The following CAST variants were observed in gnomAD, a reference collection of about 807,000 sequenced individuals.
CAST encodes MIR583 host.
Under a neutral mutation model 119.6 loss-of-function variants are expected in CAST, and 76 were observed. The ratio of observed to expected loss-of-function variants is 0.64; its 90% CI spans 0.53 to 0.77. The LOEUF is 0.77. Among genes scored for constraint, CAST ranks in the 30% least tolerant of loss-of-function variants. CAST has a pLI of 0.00. For missense variants in CAST, 953 were observed against 946.5 expected (o/e 1.01, Z -0.09); for synonymous variants, 319 against 331.6 (o/e 0.96, Z 0.41).
At chr5:96,183,436 A>G in the CAST span, among the ~76,000 whole-genome samples, 1 of 152,062 alleles carries the variant, frequency 6.6e-6, no homozygotes, top group African/African-American at 2.4e-5. Flanking sequence ...GGGAGCCAAT[A>G]TATTTTGTCC....
At position 96,601,427 on chromosome 5, in the gene CAST, C is replaced by T. The variant is rs79675661; in HGVS notation, c.60+71547C>T. On this transcript the variant is annotated intron_variant, in intron 1 of 11. Coordinates refer to the CAST transcript ENST00000505143. ...AAATAAAGTCTCACCCAGGACTCTG[C>T]ATAGAAGGTTACTACGGAAACAATG... Among the ~76,000 whole-genome samples the T allele has an allele frequency of 7.9e-3, 1,198 of 152,308 alleles. 20 individuals are homozygous for T. The highest frequency in any genetic ancestry group is 0.028 in the African/African-American group (1,146 of 41,564).
At chr5:96,400,323 A>G in the CAST span, 6 of 693,478 alleles carry the variant, frequency 8.7e-6, no homozygotes, top group Non-Finnish European at 1.6e-5. Context: ...TCTAGTGTCT[A>G]TTACTGTTCA....
the CAST span, among the ~76,000 whole-genome samples, chr5:96,038,965 T>G: frequency 6.6e-6 from 1 of 152,194 alleles, no homozygotes; most frequent in African/African-American, 2.4e-5. Context: ...CCACAATGGT[T>G]GAACTAATTT....
At position 96,600,704 on chromosome 5, in the gene CAST, G is replaced by A. The variant is rs113782779; in HGVS notation, c.60+70824G>A. On this transcript the variant is annotated intron_variant, in intron 1 of 11. Transcript: ENST00000505143. ...CTTTCTGCATATCCTAATCCTCTGC[G>A]CAAAACTGAGCCTCTCTGTATTTCT... 4.1e-3 allele frequency among the ~76,000 whole-genome samples: 618 copies of A among 151,928 alleles called. 4 individuals are homozygous for A. The highest frequency in any genetic ancestry group is 0.014 in the African/African-American group (560 of 41,410).
intron 1 of CAST, among the ~76,000 whole-genome samples, chr5:96,622,647 A>G (rs542067640): frequency 4.6e-5 from 7 of 152,166 alleles, no homozygotes; most frequent in Non-Finnish European, 1.0e-4. Flanking sequence ...TTTTGCTAGT[A>G]TTGGAGAAGT....
the CAST span, among the ~76,000 whole-genome samples, chr5:96,426,680 A>G: frequency 1.6e-4 from 24 of 152,304 alleles, no homozygotes; most frequent in African/African-American, 5.8e-4. Flanking sequence ...AGATAATTCT[A>G]TACTCTTATT....
the CAST span, among the ~76,000 whole-genome samples, chr5:95,991,576 G>C: frequency 1.4e-5 from 2 of 145,654 alleles, no homozygotes; most frequent in African/African-American, 5.2e-5. Context: ...TGTGATCTGG[G>C]CACACTGTAA....
At chr5:96,102,590 G>A in the CAST span, among the ~76,000 whole-genome samples, 3 of 152,078 alleles carry the variant, frequency 2.0e-5, no homozygotes, top group Admixed American at 2.0e-4. Context: ...GTGGAGTTTT[G>A]CCAGGGACCC....
rs187033113 is a variant in CAST, at chr5:96,579,760, G to A, written c.60+49880G>A. Among the ~76,000 whole-genome samples the A allele has an allele frequency of 2.5e-4, 38 of 152,306 alleles. 1 individual carries two copies. Among genetic ancestry groups the A allele is most frequent in the African/African-American group, 8.2e-4 (34 of 41,570 alleles). ...TGTAGTTCATGGGGCAGAACAGGAA[G>A]AAACAAATTTACAACATCTTGTCCA... On this transcript the variant is annotated intron_variant, in intron 1 of 11. Coordinates refer to the CAST transcript ENST00000505143.
intron 1 of CAST, among the ~76,000 whole-genome samples, chr5:96,648,062 G>T (rs1330167969): frequency 6.6e-6 from 1 of 152,188 alleles, no homozygotes; most frequent in Non-Finnish European, 1.5e-5. Context: ...AACTTAGGTT[G>T]TGTTTCCCCA....
intron 1 of CAST, among the ~76,000 whole-genome samples, chr5:96,608,534 C>A (rs1014263108): frequency 2.6e-5 from 4 of 151,858 alleles, no homozygotes; most frequent in Non-Finnish European, 5.9e-5. Context: ...CTTGACAAAT[C>A]GAGCCAGGGA....
the CAST span, among the ~76,000 whole-genome samples, chr5:96,098,191 T>C: frequency 6.6e-6 from 1 of 152,308 alleles, no homozygotes; most frequent in East Asian, 1.9e-4. Context: ...TTCTTGTAAA[T>C]TTGTTTAAGT....
At chr5:96,692,431 G>C (rs984941610) in intron 2 of CAST, among the ~76,000 whole-genome samples, 5 of 152,052 alleles carry the variant, frequency 3.3e-5, no homozygotes, top group African/African-American at 1.2e-4. Flanking sequence ...TGACTATAGG[G>C]CTATTCTGAT....
chr5:96,676,213 GA>G (rs980221852), intron 2 of CAST, among the ~76,000 whole-genome samples: 1 of 152,092 alleles, frequency 6.6e-6, no homozygotes, highest in Admixed American at 6.5e-5. Context: ...AAGGATACAG[GA>G]TTTGCCTTCC....
At chr5:96,206,636 GCTCT>G in the CAST span, among the ~76,000 whole-genome samples, 1 of 152,004 alleles carries the variant, frequency 6.6e-6, no homozygotes, top group African/African-American at 2.4e-5. Context: ...TTATTCCTGG[GCTCT>G]CTATTTTGGT....
chr5:96,346,229 A>G, the CAST span, among the ~76,000 whole-genome samples: 4 of 152,180 alleles, frequency 2.6e-5, no homozygotes, highest in African/African-American at 9.7e-5. Context: ...TTCGGGCTTG[A>G]GCTCCTGAGT....
chr5:96,536,072 G>A (rs1745808191), intron 1 of CAST, among the ~76,000 whole-genome samples: 1 of 143,276 alleles, frequency 7.0e-6, no homozygotes, highest in Non-Finnish European at 1.5e-5. Context: ...AAAAGGAGGA[G>A]GAGGGCTGGG....
chr5:96,175,592 G>A, the CAST span, among the ~76,000 whole-genome samples: 1 of 152,284 alleles, frequency 6.6e-6, no homozygotes, highest in African/African-American at 2.4e-5. Context: ...TAAATTAATT[G>A]GGGTAACTTT....
At chr5:96,364,516 A>G in the CAST span, among the ~76,000 whole-genome samples, 1 of 152,178 alleles carries the variant, frequency 6.6e-6, no homozygotes, top group Non-Finnish European at 1.5e-5. Context: ...TTATTGGCCT[A>G]TTCAGAGATT....
Sources: gnomAD v4.1 joint callset for allele counts (sites outside exome capture counted in the v4.1 genomes callset) on GRCh38, gnomAD v4.1.1 for gene constraint, MANE v1.5 for transcripts, NCBI Gene and HGNC (gene_info 2026-07-23, HGNC 2026-07-21) for gene names.